Variants in GPR180 observed in about 807,000 individuals in gnomAD.
GPR180 encodes integral membrane protein GPR180.
GPR180 carries 53 observed loss-of-function variants against 52.6 expected under a neutral mutation model. The observed-to-expected ratio is 1.01, with a 90% CI of 0.81 to 1.27. GPR180 has a LOEUF of 1.27. Ranked by LOEUF, GPR180 falls within the 50% of genes most tolerant of loss-of-function variation. The pLI is 0.00. For synonymous variants in GPR180, 200 were observed against 193.1 expected (o/e 1.04, Z -0.30); for missense variants, 533 against 527.0 (o/e 1.01, Z -0.11).
At chr13:94,614,086 C>T (rs1237784876) in intron 3 of GPR180, among the ~76,000 whole-genome samples, 1 of 152,082 alleles carries the variant, frequency 6.6e-6, no homozygotes, top group Non-Finnish European at 1.5e-5. Context: ...ACCATGTTGG[C>T]CAGAACTCCT....
rs1286706057 is a variant in GPR180, at chr13:94,629,299, T to G, written c.*2128T>G. 1 of 152,174 alleles carries G rather than the reference T, an allele frequency of 6.6e-6. No homozygotes were observed. Among genetic ancestry groups the G allele is most frequent in the East Asian group, 1.9e-4 (1 of 5,202 alleles). 9.4% of individuals were successfully genotyped at this position (152,174 alleles called of 1,614,324 possible). On this transcript the variant is annotated 3_prime_UTR_variant, in exon 9 of 9. Transcript: ENST00000376958. ...ATCTTTTCTACTTTTCTTTGTCAGA[T>G]AATGCTTTTTTATGTGTTTTTACAT...
Position 94,605,474 on chromosome 13 carries a change from C to T in GPR180, c.229C>T (p.Gln77Ter), listed in dbSNP as rs1184322103. The T allele has an allele frequency of 8.1e-6, 13 of 1,613,920 alleles. No homozygotes were observed. Among genetic ancestry groups the T allele is most frequent in the Non-Finnish European group, 1.1e-5 (13 of 1,179,968 alleles). ...AGCTAAACTCTACCTGTTCCAAGCC[C>T]AGGAATGGCTAAAGCTACAGCAAAG... ...KEAKLYLFQA[Q>*]EWLKLQQSSH... The change falls in exon 2 of 9, where the codon CAG (glutamine) becomes TAG (stop). Residue 77 changes from glutamine (Q) to a stop codon, truncating the protein, a stop_gained. Coordinates refer to ENST00000376958, the MANE Select transcript of GPR180 (RefSeq NM_180989.6). LOFTEE classifies it high-confidence loss of function.
In GPR180 at chr13:94,627,056, T is replaced by C; in HGVS notation, c.1208T>C (p.Val403Ala). 6.2e-7 allele frequency: 1 copy of C among 1,611,848 alleles called. No individual in the cohort carries two copies. The highest frequency in any genetic ancestry group is 8.5e-7 in the Non-Finnish European group (1 of 1,178,660). The change falls in exon 9 of 9, where the codon GTT (valine) becomes GCT (alanine). Residue 403 changes from valine to alanine, a missense_variant. Transcript: ENST00000376958. ...GVILCQSVSM[V>A]ILYRLFLSHS... Reference sequence around the variant, plus strand: ...ATCCTTTGCCAGTCTGTTTCCATGGTTATTCTCTACAGACTCTTTCTGTCT... The same window carrying C: ...ATCCTTTGCCAGTCTGTTTCCATGGCTATTCTCTACAGACTCTTTCTGTCT...
intron 6 of GPR180, among the ~76,000 whole-genome samples, chr13:94,621,910 C>T (rs1594478039): frequency 1.3e-5 from 2 of 151,910 alleles, no homozygotes; most frequent in African/African-American, 4.8e-5. Context: ...AAAATTTGTA[C>T]TGAGTTTTTG....
At chr13:94,604,412 T>C (rs536531614) in intron 1 of GPR180, among the ~76,000 whole-genome samples, 1 of 150,782 alleles carries the variant, frequency 6.6e-6, no homozygotes, top group Admixed American at 6.6e-5. Flanking sequence ...ATACAAAAAT[T>C]AGCTGGATGT....
chr13:94,602,023 C>G lies in GPR180; in HGVS notation c.96C>G (p.Thr32=). The G allele has an allele frequency of 5.5e-6, 8 of 1,464,090 alleles. 1 individual carries two copies. The highest frequency in any genetic ancestry group is 4.1e-5 in the South Asian group (3 of 73,976). 90.7% of individuals were successfully genotyped at this position (1,464,090 alleles called of 1,614,324 possible). ...GKTLRGSFSS[T]AAQDAQGQRI... ...CCCTGCGGGGCAGCTTCAGCAGCAC[C>G]GCGGCCCAGGACGCCCAGGGCCAGC... The change falls in exon 1 of 9, where the codon ACC becomes ACG. Residue 32 remains threonine, a synonymous_variant. Coordinates refer to ENST00000376958, the MANE Select transcript of GPR180 (RefSeq NM_180989.6).
In GPR180 at chr13:94,612,520, A is replaced by G. The variant is rs1047135695; in HGVS notation, c.505+130A>G. ...CAAAACTAGAGAAATGGTTAAATTA[A>G]TCTTCTTATAGCATTTTGATAGCCA... On this transcript the variant is annotated intron_variant, in intron 3 of 8. Transcript: ENST00000376958. 6.1e-6 allele frequency: 4 copies of G among 657,584 alleles called. No homozygotes were observed. In the African/African-American group the frequency reaches 7.3e-5, roughly 12 times the overall value. 40.7% of individuals were successfully genotyped at this position (657,584 alleles called of 1,614,324 possible). A position where few individuals can be genotyped will look rare whatever the true frequency, so the allele number is the denominator to read the frequency against.
intron 7 of GPR180, among the ~76,000 whole-genome samples, chr13:94,624,243 A>G (rs745408956): frequency 2.0e-5 from 3 of 147,878 alleles, no homozygotes; most frequent in Non-Finnish European, 4.5e-5. Flanking sequence ...GAGAGAATCC[A>G]TACCCCTTCA....
intron 1 of GPR180, among the ~76,000 whole-genome samples, chr13:94,602,502 T>A (rs1036453537): frequency 1.3e-5 from 2 of 149,826 alleles, no homozygotes; most frequent in East Asian, 1.9e-4. Flanking sequence ...TTTTTTTTTT[T>A]AAAGACCAAT....
intron 7 of GPR180, among the ~76,000 whole-genome samples, chr13:94,625,750 A>G (rs1889920402): frequency 2.0e-5 from 3 of 152,212 alleles, no homozygotes; most frequent in Non-Finnish European, 4.4e-5. Context: ...TTATAAACAT[A>G]AGATTATAAA....
At chr13:94,619,108 G>C (rs1206190871) in intron 3 of GPR180, 42 bp from the exon 4 acceptor site, 4 of 1,530,160 alleles carry the variant, frequency 2.6e-6, no homozygotes, top group Admixed American at 3.7e-5. Context: ...ACGATAACTG[G>C]CTTTGTTTTA....
chr13:94,622,618 A>G (rs953333849), intron 6 of GPR180, among the ~76,000 whole-genome samples: 16 of 152,208 alleles, frequency 1.1e-4, no homozygotes, highest in African/African-American at 2.9e-4. Context: ...TGTATTGCAA[A>G]AGTGAAGTTC....
chr13:94,607,544 C>T (rs1889650635), intron 2 of GPR180, among the ~76,000 whole-genome samples: 1 of 152,174 alleles, frequency 6.6e-6, no homozygotes, highest in African/African-American at 2.4e-5. Flanking sequence ...TAAGTTAACA[C>T]CTAAGTTTTT....
At position 94,612,301 on chromosome 13, in the gene GPR180, C is replaced by T; in HGVS notation, c.416C>T (p.Ser139Phe). The T allele has an allele frequency of 6.2e-7, 1 of 1,613,834 alleles. No homozygotes were observed. The highest frequency in any genetic ancestry group is 8.5e-7 in the Non-Finnish European group (1 of 1,179,750). ...KYTCQDDKEN[S>F]QVEDIPFEMV... The stretch of plus-strand genomic sequence containing the variant: ...ACATGCCAAGATGACAAGGAGAATT[C>T]TCAGGTGGAAGATATCCCATTTGAA... Residue 139 changes from serine (S) to phenylalanine (F), a missense_variant, in exon 3 of 9, where the codon TCT (serine) becomes TTT (phenylalanine). Ser to Phe is a radical substitution (Grantham distance 155, BLOSUM62 -2). Transcript: ENST00000376958.
At position 94,629,033 on chromosome 13, in the gene GPR180, C is replaced by T. The variant is rs1889961948; in HGVS notation, c.*1862C>T. 1 of 151,948 alleles carries T rather than the reference C, an allele frequency of 6.6e-6. No homozygotes were observed. The highest frequency in any genetic ancestry group is 1.5e-5 in the Non-Finnish European group (1 of 67,914). 9.4% of individuals were successfully genotyped at this position (151,948 alleles called of 1,614,324 possible). On this transcript the variant is annotated 3_prime_UTR_variant, in exon 9 of 9. Coordinates refer to ENST00000376958, the MANE Select transcript of GPR180 (RefSeq NM_180989.6). ...CTAACCAGTTTTTTAAACTTTAATT[C>T]TTAAATTTATGGTTGGAAATGCTGA...
Position 94,627,554 on chromosome 13 carries a change from A to C in GPR180, c.*383A>C. On this transcript the variant is annotated 3_prime_UTR_variant, in exon 9 of 9. Transcript: ENST00000376958. ...TCAGTTAAATGATTACTTGCTTATAAATATCTAAACTAGTCCAGTTATGAA... is the reference window on the plus strand; with the variant it reads ...TCAGTTAAATGATTACTTGCTTATACATATCTAAACTAGTCCAGTTATGAA... 1 of 194,450 alleles carries C rather than the reference A, an allele frequency of 5.1e-6. No homozygotes were observed. The highest frequency in any genetic ancestry group is 1.0e-4 in the South Asian group (1 of 9,764). The allele number at this position is 194,450 out of a possible 1,614,324, so 12.0% of individuals were successfully genotyped here. A position where few individuals can be genotyped will look rare whatever the true frequency, so the allele number is the denominator to read the frequency against.
Position 94,627,326 on chromosome 13 carries a change from CTG to C in GPR180, c.*156_*157del. 1.9e-6 allele frequency: 1 copy of C among 525,868 alleles called. No homozygotes were observed. Among genetic ancestry groups the C allele is most frequent in the Non-Finnish European group, 3.2e-6 (1 of 308,126 alleles). 32.6% of individuals were successfully genotyped at this position (525,868 alleles called of 1,614,324 possible). A position where few individuals can be genotyped will look rare whatever the true frequency, so the allele number is the denominator to read the frequency against. On this transcript the variant is annotated 3_prime_UTR_variant, in exon 9 of 9. Transcript: ENST00000376958. Reference sequence around the variant, plus strand: ...TAACTGCATTTAAGCAGTACCAAGACTGAAAAAAAAGGTAATAAATGAAATGT... The same window carrying C: ...TAACTGCATTTAAGCAGTACCAAGACAAAAAAAAGGTAATAAATGAAATGT...
Position 94,602,491 on chromosome 13 carries a change from T to TTC in GPR180, c.145+420_145+421insCT, listed in dbSNP as rs66651404. Among the ~76,000 whole-genome samples, 7 of 151,010 alleles carry TTC rather than the reference T, an allele frequency of 4.6e-5. No individual in the cohort carries two copies. The East Asian group carries it at 1.4e-3, about 29-fold the overall frequency. ...TAGAAACTTAAATTTCCTTTTTTTT[T>TTC]TTTTTTTTTTTAAAGACCAATTTCC... On this transcript the variant is annotated intron_variant, in intron 1 of 8. Coordinates refer to ENST00000376958, the MANE Select transcript of GPR180 (RefSeq NM_180989.6).
intron 6 of GPR180, among the ~76,000 whole-genome samples, chr13:94,622,393 C>A (rs543557452): frequency 3.9e-5 from 6 of 152,062 alleles, no homozygotes; most frequent in Non-Finnish European, 7.4e-5. Context: ...GATAATATTA[C>A]ACTAGAGTTT....
Sources: allele counts gnomAD v4.1 joint callset (sites outside exome capture counted in the v4.1 genomes callset), GRCh38; gene constraint gnomAD v4.1.1; transcripts MANE v1.5; gene names NCBI Gene and HGNC (gene_info 2026-07-23, HGNC 2026-07-21).